COBLL1: variants seen among roughly 807,000 people sequenced by gnomAD.
COBLL1 encodes cordon-bleu WH2 repeat protein like 1.
COBLL1 carries 50 observed loss-of-function variants against 94.8 expected under a neutral mutation model. That is an observed-to-expected ratio of 0.53 (90% CI 0.42 to 0.67). COBLL1 has a LOEUF of 0.67. COBLL1 is among the 30% of genes least tolerant of loss of function. The pLI is 0.00. For synonymous variants in COBLL1, 448 were observed against 473.8 expected (o/e 0.95, Z 0.71); for missense variants, 1,362 against 1,348.7 (o/e 1.01, Z -0.15).
chr2:164,839,789 A>G (rs1219757706), intron 2 of COBLL1, among the ~76,000 whole-genome samples: 2 of 152,186 alleles, frequency 1.3e-5, no homozygotes, highest in Non-Finnish European at 2.9e-5. Flanking sequence ...TTCTACCGAT[A>G]TATTTCTTTA....
At position 164,714,931 on chromosome 2, in the gene COBLL1, A is replaced by G. The variant is rs538576458; in HGVS notation, c.996+7144T>C. On this transcript the variant is annotated intron_variant, in intron 7 of 13. Transcript: ENST00000652658. ...TCCATATTAATTCCACAAATGACCT[A>G]CTGCTCTTTGAATAATATATTTTTC... Among the ~76,000 whole-genome samples the G allele has an allele frequency of 5.1e-4, 78 of 152,296 alleles. 1 individual carries two copies. The highest frequency in any genetic ancestry group is 3.3e-3 in the South Asian group (16 of 4,826).
chr2:164,670,062 G>A (rs1174834866), intron 1 of COBLL1, among the ~76,000 whole-genome samples: 3 of 152,146 alleles, frequency 2.0e-5, no homozygotes, highest in African/African-American at 7.2e-5. Context: ...CATCATAACA[G>A]CAGCTGACAT....
chr2:164,801,725 C>G (rs1683817267), intron 2 of COBLL1, among the ~76,000 whole-genome samples: 1 of 152,160 alleles, frequency 6.6e-6, no homozygotes, highest in South Asian at 2.1e-4. Context: ...GATATCCAGG[C>G]TGCCACACAG....
At position 164,814,742 on chromosome 2, in the gene COBLL1, C is replaced by G. The variant is rs73968269; in HGVS notation, c.41+26414G>C. Among the ~76,000 whole-genome samples the G allele has an allele frequency of 3.8e-3, 578 of 152,204 alleles. 5 individuals carry two copies. Among genetic ancestry groups the G allele is most frequent in the African/African-American group, 0.013 (554 of 41,530 alleles). On this transcript the variant is annotated intron_variant, in intron 2 of 13. Transcript: ENST00000652658. ...ATAAAGAAAAACAGGTAGACATGTA[C>G]ATACAAAATACCTCAATTCAGTCTT...
chr2:164,803,290 G>A (rs1309809086), intron 2 of COBLL1, among the ~76,000 whole-genome samples: 1 of 152,148 alleles, frequency 6.6e-6, no homozygotes, highest in African/African-American at 2.4e-5. Context: ...GTTTGGCCGG[G>A]CGCGGTGGCT....
chr2:164,698,300 A>G (rs987043399), intron 11 of COBLL1: 2 of 151,684 alleles, frequency 1.3e-5, no homozygotes, highest in Non-Finnish European at 2.9e-5. Flanking sequence ...TCTCAGTATG[A>G]TATCTCACAA....
At chr2:164,668,172 C>G (rs1345184318) in intron 1 of COBLL1, among the ~76,000 whole-genome samples, 1 of 151,992 alleles carries the variant, frequency 6.6e-6, no homozygotes, top group Non-Finnish European at 1.5e-5. Context: ...CCATGTTGGC[C>G]AGGCTGGTCA....
intron 7 of COBLL1, among the ~76,000 whole-genome samples, chr2:164,719,465 T>C (rs1299180244): frequency 6.6e-6 from 1 of 152,190 alleles, no homozygotes; most frequent in East Asian, 1.9e-4. Flanking sequence ...GAAATCAAGG[T>C]GTTGGCGGAG....
At chr2:164,704,309 T>C (rs1684467702) in intron 9 of COBLL1, 135 bp downstream of exon 9, 2 of 656,124 alleles carry the variant, frequency 3.0e-6, no homozygotes, top group East Asian at 2.6e-5. Context: ...ATTTATTTCA[T>C]AATAAAAATT....
At position 164,841,270 on chromosome 2, in the gene COBLL1, T is replaced by C. The variant is rs947419430; in HGVS notation, c.-50-24A>G. 8.2e-7 allele frequency: 1 copy of C among 1,220,894 alleles called. No homozygotes were observed. Among genetic ancestry groups the C allele is most frequent in the Non-Finnish European group, 1.0e-6 (1 of 981,470 alleles). 75.6% of individuals were successfully genotyped at this position (1,220,894 alleles called of 1,614,324 possible). On this transcript the variant is annotated intron_variant, in intron 1 of 13. Coordinates refer to ENST00000652658, the MANE Select transcript of COBLL1 (RefSeq NM_001365672.2). The surrounding 1 kb of genome is among the most constrained non-coding windows in gnomAD (Gnocchi z 5.5). ...TGCTGGGGTGGGAGAGGCCGGCGGG[T>C]CAGGGCGGGACGCGCGCCTTCCCGA...
In COBLL1 at chr2:164,799,624, A is replaced by G. The variant is rs552420548; in HGVS notation, c.41+41532T>C. Among the ~76,000 whole-genome samples the G allele has an allele frequency of 2.0e-5, 3 of 152,334 alleles. No individual in the cohort carries two copies. The South Asian group carries it at 6.2e-4, about 32-fold the overall frequency. Reference sequence around the variant, plus strand: ...CACATATTAAAATATACAGTATAATAAAGGAACTAGAATTTTAAAAAAGGC... The same window carrying G: ...CACATATTAAAATATACAGTATAATGAAGGAACTAGAATTTTAAAAAAGGC... On this transcript the variant is annotated intron_variant, in intron 2 of 13. Transcript: ENST00000652658.
intron 2 of COBLL1, among the ~76,000 whole-genome samples, chr2:164,811,115 G>A (rs892021148): frequency 6.6e-6 from 1 of 151,874 alleles, no homozygotes; most frequent in Non-Finnish European, 1.5e-5. Context: ...ACAACTGGGA[G>A]TTCAAAAGAA....
chr2:164,800,531 T>C, intron 2 of COBLL1: 1 of 702,342 alleles, frequency 1.4e-6, no homozygotes, highest in Non-Finnish European at 2.6e-6. Flanking sequence ...AATATACACT[T>C]ACCATGACCC....
rs112427414 is a variant in COBLL1, at chr2:164,750,089, T to A, written c.42-6214A>T. The stretch of plus-strand genomic sequence containing the variant: ...CTACAACCTCCACCTCCAAGAGACT[T>A]CATAAAAGCCCATGGCTTCAAATAT... On this transcript the variant is annotated intron_variant, in intron 2 of 13. Transcript: ENST00000652658. Among the ~76,000 whole-genome samples, 457 of 152,322 alleles carry A rather than the reference T, an allele frequency of 3.0e-3. 1 individual carries two copies. Among genetic ancestry groups the A allele is most frequent in the African/African-American group, 9.7e-3 (403 of 41,584 alleles).
At chr2:164,806,959 G>C (rs1158247022) in intron 2 of COBLL1, among the ~76,000 whole-genome samples, 1 of 152,100 alleles carries the variant, frequency 6.6e-6, no homozygotes, top group East Asian at 1.9e-4. Flanking sequence ...TCCTGCCTAA[G>C]CCTTCCAAAG....
At chr2:164,715,634 T>C (rs1035525788) in intron 7 of COBLL1, among the ~76,000 whole-genome samples, 4 of 152,040 alleles carry the variant, frequency 2.6e-5, no homozygotes, top group Non-Finnish European at 4.4e-5. Flanking sequence ...TATTAGAATA[T>C]AAAATTGCAT....
chr2:164,839,611 CTTTTTT>C (rs1683489119), intron 2 of COBLL1, among the ~76,000 whole-genome samples: 1 of 152,150 alleles, frequency 6.6e-6, no homozygotes, highest in African/African-American at 2.4e-5. Context: ...GTTTTTCTTT[CTTTTTT>C]GTTTTTTAAA....
At chr2:164,721,127 C>T (rs1051260291) in intron 7 of COBLL1, among the ~76,000 whole-genome samples, 1 of 152,130 alleles carries the variant, frequency 6.6e-6, no homozygotes, top group African/African-American at 2.4e-5. Flanking sequence ...AAAGGAAGCA[C>T]AGAAATGTGT....
At chr2:164,809,407 G>A (rs982417873) in intron 2 of COBLL1, among the ~76,000 whole-genome samples, 2 of 151,822 alleles carry the variant, frequency 1.3e-5, no homozygotes, top group East Asian at 3.9e-4. Flanking sequence ...GGACATTCTG[G>A]GGGTTGCTAT....
Sources: allele counts gnomAD v4.1 joint callset (sites outside exome capture counted in the v4.1 genomes callset), GRCh38; gene constraint gnomAD v4.1.1; non-coding constraint Gnocchi (gnomAD v3.1); transcripts MANE v1.5; gene names NCBI Gene and HGNC (gene_info 2026-07-23, HGNC 2026-07-21).